MIGA1: variants seen among roughly 807,000 people sequenced by gnomAD.
The protein encoded by MIGA1 is family with sequence similarity 73, member A.
MIGA1 carries 58 observed loss-of-function variants against 82.0 expected under a neutral mutation model. The ratio of observed to expected loss-of-function variants is 0.71; its 90% confidence interval spans 0.57 to 0.88. The LOEUF (loss-of-function observed/expected upper bound fraction) is 0.88. MIGA1 is among the 40% of genes least tolerant of loss of function. The pLI, the probability that MIGA1 is intolerant of heterozygous loss-of-function variation, is 0.00. For missense variants in MIGA1, 751 were observed against 749.1 expected, an observed-to-expected ratio of 1.00 and a Z score of -0.03; for synonymous variants, 249 against 253.6, an observed-to-expected ratio of 0.98 and a Z score of 0.17.
intron 14 of MIGA1, among the ~76,000 whole-genome samples, chr1:77,871,094 GGGGAGA>G (rs1325089726): frequency 3.7e-5 from 2 of 53,454 alleles, no homozygotes; most frequent in African/African-American, 1.3e-4. Context: ...CCGTGGGAAG[GGGGAGA>G]GGGAGAGGGA....
Position 77,874,946 on chromosome 1 carries a change from G to T in MIGA1, c.1781G>T (p.Arg594Leu). ...GAAGACCTCATGCAGTTACTCATTCGCCGCACTGAGCTTTTAATGGCCTAT... is the reference window on the plus strand; with the variant it reads ...GAAGACCTCATGCAGTTACTCATTCTCCGCACTGAGCTTTTAATGGCCTAT... Residue 594 changes from arginine (R) to leucine (L), a missense_variant, in exon 16 of 16, where the codon CGC (arginine) becomes CTC (leucine). This residue lies in a region of MIGA1 where 265 missense variants were observed against 293.6 expected (regional missense o/e 0.90). Coordinates refer to ENST00000370791, the MANE Select transcript of MIGA1 (RefSeq NM_198549.4). 1.2e-6 allele frequency: 2 copies of T among 1,614,020 alleles called. No individual in the cohort carries two copies. The highest frequency in any genetic ancestry group is 1.1e-5 in the South Asian group (1 of 91,072).
chr1:77,826,005 A>G (rs765870192), intron 7 of MIGA1, among the ~76,000 whole-genome samples: 1 of 152,222 alleles, frequency 6.6e-6, no homozygotes, highest in East Asian at 1.9e-4. Flanking sequence ...GTGAGATTAC[A>G]TAACATATTT....
intron 14 of MIGA1, among the ~76,000 whole-genome samples, chr1:77,869,887 G>A (rs1473504009): frequency 6.7e-4 from 82 of 122,200 alleles, no homozygotes; most frequent in Non-Finnish European, 1.2e-3. Flanking sequence ...CCTCCCTCCC[G>A]GACGGGGCGG....
intron 14 of MIGA1, among the ~76,000 whole-genome samples, chr1:77,871,029 G>T (rs1367093874): frequency 6.7e-6 from 1 of 149,200 alleles, no homozygotes; most frequent in Non-Finnish European, 1.5e-5. Context: ...GAGCCGAGAT[G>T]GCAGCAGTAC....
intron 8 of MIGA1, among the ~76,000 whole-genome samples, chr1:77,853,164 A>C (rs1685118156): frequency 1.3e-5 from 2 of 152,232 alleles, no homozygotes; most frequent in Admixed American, 6.5e-5. Context: ...AAAAAATGTC[A>C]AAAACAAAAT....
At chr1:77,872,963 A>G in intron 14 of MIGA1, 41 bp from the exon 15 acceptor site, 1 of 1,610,630 alleles carries the variant, frequency 6.2e-7, no homozygotes. Context: ...GCAAGTAACA[A>G]GAAGGTAGAA....
chr1:77,856,801 T>A (rs563155360), intron 8 of MIGA1, among the ~76,000 whole-genome samples: 2 of 152,178 alleles, frequency 1.3e-5, no homozygotes, highest in Non-Finnish European at 2.9e-5. Context: ...GGTCTATCAA[T>A]TTTATTTATC....
At chr1:77,814,461 A>G (rs551638358) in intron 6 of MIGA1, among the ~76,000 whole-genome samples, 1 of 151,598 alleles carries the variant, frequency 6.6e-6, no homozygotes, top group Admixed American at 6.6e-5. Flanking sequence ...CATAGGAACA[A>G]TCATAGTACA....
At chr1:77,835,009 A>C (rs1205156468) in intron 7 of MIGA1, among the ~76,000 whole-genome samples, 2 of 152,304 alleles carry the variant, frequency 1.3e-5, no homozygotes, top group South Asian at 4.1e-4. Context: ...CATCTTTGGA[A>C]TCTCTACTAG....
At chr1:77,813,071 C>T (rs150740140) in intron 5 of MIGA1, among the ~76,000 whole-genome samples, 4,024 of 152,218 alleles carry the variant, frequency 0.026, 57 homozygotes, top group Middle Eastern at 0.078. Context: ...ACCTCTGCCT[C>T]CCAGGTTCAA....
At chr1:77,824,462 G>A (rs1280241986) in intron 7 of MIGA1, among the ~76,000 whole-genome samples, 3 of 152,180 alleles carry the variant, frequency 2.0e-5, no homozygotes, top group Admixed American at 6.5e-5. Flanking sequence ...GGAGGCTGAG[G>A]CAGGAGAATC....
At chr1:77,827,786 C>T (rs1684088528) in intron 7 of MIGA1, among the ~76,000 whole-genome samples, 2 of 152,194 alleles carry the variant, frequency 1.3e-5, no homozygotes, top group Non-Finnish European at 2.9e-5. Flanking sequence ...CCAAGTTACT[C>T]TTCCCATGGG....
chr1:77,845,537 A>G (rs1326440168), intron 8 of MIGA1, among the ~76,000 whole-genome samples: 1 of 152,250 alleles, frequency 6.6e-6, no homozygotes, highest in Non-Finnish European at 1.5e-5. Flanking sequence ...AACAAAATGC[A>G]TGAATATACA....
At chr1:77,826,467 T>C (rs1307990737) in intron 7 of MIGA1, among the ~76,000 whole-genome samples, 1 of 152,118 alleles carries the variant, frequency 6.6e-6, no homozygotes, top group African/African-American at 2.4e-5. Context: ...TGGCATATCC[T>C]ATTATTATTA....
At chr1:77,807,555 C>T (rs774428713) in intron 5 of MIGA1, among the ~76,000 whole-genome samples, 3 of 152,064 alleles carry the variant, frequency 2.0e-5, no homozygotes, top group Non-Finnish European at 4.4e-5. Flanking sequence ...TTCATAACGT[C>T]ATACATTGTG....
chr1:77,814,283 C>A (rs570119478), intron 6 of MIGA1, among the ~76,000 whole-genome samples: 1 of 152,220 alleles, frequency 6.6e-6, no homozygotes, highest in East Asian at 1.9e-4. Context: ...TGGGGTATTT[C>A]TTATTAGTCT....
intron 2 of MIGA1, among the ~76,000 whole-genome samples, chr1:77,796,617 A>G (rs925189326): frequency 1.3e-5 from 2 of 152,144 alleles, no homozygotes; most frequent in Non-Finnish European, 2.9e-5. Context: ...CAAATTTACC[A>G]ACAGGTTACA....
chr1:77,817,955 A>ATTTTTTT (rs10676009), intron 7 of MIGA1, among the ~76,000 whole-genome samples: 1 of 115,608 alleles, frequency 8.6e-6, no homozygotes, highest in African/African-American at 3.4e-5. Context: ...AGATTGGAAG[A>ATTTTTTT]TTTTTTTTTT....
intron 8 of MIGA1, among the ~76,000 whole-genome samples, chr1:77,855,293 G>A (rs775353207): frequency 6.6e-6 from 1 of 152,098 alleles, no homozygotes. Context: ...TTTGATGATT[G>A]TGGCCTTATA....
Sources: gnomAD v4.1 joint callset for allele counts (sites outside exome capture counted in the v4.1 genomes callset) on GRCh38, gnomAD v4.1.1 for gene constraint, gnomAD v4.1.1 regional missense constraint, MANE v1.5 for transcripts, NCBI Gene and HGNC (gene_info 2026-07-23, HGNC 2026-07-21) for gene names.